RSPH14: variants seen among roughly 807,000 people sequenced by gnomAD.
RSPH14 encodes the protein radial spoke head 14 homolog.
A neutral mutation model predicts 26.7 loss-of-function variants in RSPH14; 20 were observed. That is an observed-to-expected ratio of 0.75 (90% CI 0.53 to 1.09). RSPH14 has a LOEUF of 1.09. Ranked by LOEUF, RSPH14 falls within the 50% of genes least tolerant of loss-of-function variation. The probability of loss-of-function intolerance (pLI) is 0.00; values close to 1 mark genes in which losing one functional copy is unlikely to be tolerated. For synonymous variants in RSPH14, 177 were observed against 189.3 expected (o/e 0.93, Z 0.53); for missense variants, 449 against 457.2 (o/e 0.98, Z 0.16).
intron 4 of RSPH14, among the ~76,000 whole-genome samples, chr22:23,087,002 G>A (rs1297132933): frequency 1.3e-5 from 2 of 152,220 alleles, no homozygotes; most frequent in Non-Finnish European, 2.9e-5. Flanking sequence ...CCGATAAGTC[G>A]GGCGTAAAAG....
chr22:23,178,933 A>G, the RSPH14 span, among the ~76,000 whole-genome samples: 1 of 152,186 alleles, frequency 6.6e-6, no homozygotes, highest in African/African-American at 2.4e-5. Context: ...AAGAGCAGGG[A>G]GTCTGATGAG....
At chr22:23,077,564 C>T (rs1389972129) in intron 4 of RSPH14, among the ~76,000 whole-genome samples, 2 of 152,088 alleles carry the variant, frequency 1.3e-5, no homozygotes, top group East Asian at 1.9e-4. Context: ...GGTGCTAAAC[C>T]GTGTGGTTTC....
chr22:23,059,762 C>G (rs779301898), intron 6 of RSPH14, 44 bp from the exon 7 acceptor site: 1 of 1,489,900 alleles, frequency 6.7e-7, no homozygotes, highest in South Asian at 1.4e-5. Flanking sequence ...CCCAAGGGGC[C>G]CTCTTCTCAC....
the RSPH14 span, among the ~76,000 whole-genome samples, chr22:23,178,620 C>A: frequency 2.6e-5 from 4 of 152,232 alleles, no homozygotes; most frequent in African/African-American, 9.6e-5. Flanking sequence ...GCAAGGCCTG[C>A]AGAGGGCAGC....
intron 4 of RSPH14, among the ~76,000 whole-genome samples, chr22:23,127,986 A>G (rs1466546821): frequency 1.3e-5 from 2 of 151,974 alleles, no homozygotes; most frequent in African/African-American, 2.4e-5. Flanking sequence ...CCCGGGCTGC[A>G]CACGTGTGGA....
intron 4 of RSPH14, among the ~76,000 whole-genome samples, chr22:23,133,213 C>T (rs576901527): frequency 3.3e-5 from 5 of 152,260 alleles, no homozygotes; most frequent in East Asian, 3.9e-4. Context: ...CCGTCAGCAA[C>T]GGAATGGGTA....
the RSPH14 span, chr22:23,160,925 C>T: frequency 1.3e-4 from 202 of 1,613,820 alleles, 1 homozygote; most frequent in East Asian, 9.4e-4. Flanking sequence ...CCCTGGCATT[C>T]GAGCAGTCGG....
At chr22:23,115,338 A>G (rs1029520622) in intron 4 of RSPH14, among the ~76,000 whole-genome samples, 1 of 152,158 alleles carries the variant, frequency 6.6e-6, no homozygotes, top group East Asian at 1.9e-4. Flanking sequence ...GTTGCCCCCA[A>G]ACCAGTGTGA....
chr22:23,061,253 G>A (rs528739958), intron 6 of RSPH14, among the ~76,000 whole-genome samples: 1 of 152,168 alleles, frequency 6.6e-6, no homozygotes, highest in African/African-American at 2.4e-5. Context: ...GGAGTGCCAC[G>A]CCCCAGTCTG....
intron 4 of RSPH14, among the ~76,000 whole-genome samples, chr22:23,110,705 G>T (rs1569181480): frequency 6.6e-6 from 1 of 152,264 alleles, no homozygotes; most frequent in East Asian, 1.9e-4. Flanking sequence ...GAGGGTGAGG[G>T]TGTCCACCCT....
At chr22:23,177,565 T>C in the RSPH14 span, among the ~76,000 whole-genome samples, 2 of 152,076 alleles carry the variant, frequency 1.3e-5, no homozygotes, top group Non-Finnish European at 2.9e-5. Flanking sequence ...CCCATGCCCA[T>C]GCCCTGCTGC....
chr22:23,157,661 C>T, the RSPH14 span, among the ~76,000 whole-genome samples: 2 of 152,218 alleles, frequency 1.3e-5, no homozygotes, highest in Admixed American at 6.5e-5. Context: ...AACTGAGGCT[C>T]TCAGCAGTTA....
chr22:23,112,387 A>G lies in RSPH14; in HGVS notation c.421+21639T>C, dbSNP rs149878800. Among the ~76,000 whole-genome samples the G allele has an allele frequency of 7.3e-3, 1,106 of 152,298 alleles. 4 individuals are homozygous for G. Among genetic ancestry groups the G allele is most frequent in the Non-Finnish European group, 0.01 (714 of 68,014 alleles). Reference sequence around the variant, plus strand: ...TGCCTCCCAAGACCGTGGGAGGTCCAGGGACCTGGTCAGTGGCAATGCCTT... The same window carrying G: ...TGCCTCCCAAGACCGTGGGAGGTCCGGGGACCTGGTCAGTGGCAATGCCTT... On this transcript the variant is annotated intron_variant, in intron 4 of 6. Transcript: ENST00000216036.
At chr22:23,106,084 A>T (rs1462126039) in intron 4 of RSPH14, among the ~76,000 whole-genome samples, 4 of 152,208 alleles carry the variant, frequency 2.6e-5, no homozygotes, top group African/African-American at 9.6e-5. Context: ...AGCATTGTTA[A>T]GGCACCACCT....
chr22:23,156,526 G>A, the RSPH14 span, among the ~76,000 whole-genome samples: 30 of 152,284 alleles, frequency 2.0e-4, no homozygotes, highest in South Asian at 4.3e-3. Context: ...AGGGCTCACC[G>A]TCAGCAGGGG....
intron 4 of RSPH14, among the ~76,000 whole-genome samples, chr22:23,065,561 A>T (rs2068191720): frequency 6.8e-6 from 1 of 146,304 alleles, no homozygotes; most frequent in Non-Finnish European, 1.5e-5. Context: ...AAAAAAAAAA[A>T]AGCCTAGGTC....
chr22:23,078,092 C>T (rs2068555683), intron 4 of RSPH14, among the ~76,000 whole-genome samples: 1 of 152,228 alleles, frequency 6.6e-6, no homozygotes, highest in South Asian at 2.1e-4. Flanking sequence ...TACCAGGACC[C>T]CTGCTGGTGA....
intron 4 of RSPH14, among the ~76,000 whole-genome samples, chr22:23,068,273 G>C (rs1569155362): frequency 6.6e-6 from 1 of 152,204 alleles, no homozygotes; most frequent in Non-Finnish European, 1.5e-5. Context: ...TCTTCCTTTG[G>C]GAAGCTGGCC....
intron 4 of RSPH14, among the ~76,000 whole-genome samples, chr22:23,107,532 C>G (rs1485174341): frequency 6.6e-6 from 1 of 152,196 alleles, no homozygotes; most frequent in African/African-American, 2.4e-5. Flanking sequence ...ACTCGAGAGT[C>G]TCCACTTCAG....
Sources: gnomAD v4.1 joint callset for allele counts (sites outside exome capture counted in the v4.1 genomes callset) on GRCh38, gnomAD v4.1.1 for gene constraint, MANE v1.5 for transcripts, NCBI Gene and HGNC (gene_info 2026-07-23, HGNC 2026-07-21) for gene names.